Variants in FHIT observed in about 807,000 individuals in gnomAD.
FHIT encodes fragile histidine triad diadenosine triphosphatase.
Under a neutral mutation model 17.9 loss-of-function variants are expected in FHIT, and 19 were observed. The observed-to-expected ratio is 1.06, with a 90% CI of 0.74 to 1.56. The LOEUF is 1.56. Among genes scored for constraint, FHIT ranks in the 40% most tolerant of loss-of-function variants. The pLI is 0.00. For missense variants in FHIT, 248 were observed against 189.2 expected, an observed-to-expected ratio of 1.31 and a Z score of -1.82; for synonymous variants, 81 against 69.7, an observed-to-expected ratio of 1.16 and a Z score of -0.81.
At chr3:60,216,859 T>C (rs1359003065) in intron 5 of FHIT, among the ~76,000 whole-genome samples, 5 of 152,190 alleles carry the variant, frequency 3.3e-5, no homozygotes, top group Admixed American at 1.3e-4. Flanking sequence ...TGCAGTATCC[T>C]CTACTCCCTT....
At chr3:59,859,775 A>T (rs1702330010) in intron 8 of FHIT, among the ~76,000 whole-genome samples, 1 of 152,170 alleles carries the variant, frequency 6.6e-6, no homozygotes, top group South Asian at 2.1e-4. Context: ...ACTGATGAAA[A>T]ATAATAATTA....
At chr3:60,068,697 T>C (rs1450196348) in intron 5 of FHIT, among the ~76,000 whole-genome samples, 1 of 152,172 alleles carries the variant, frequency 6.6e-6, no homozygotes, top group Non-Finnish European at 1.5e-5. Flanking sequence ...AATTTCACAA[T>C]TAAAGTCTCA....
chr3:60,551,079 G>C (rs1048345989), intron 4 of FHIT, among the ~76,000 whole-genome samples: 1 of 152,076 alleles, frequency 6.6e-6, no homozygotes, highest in African/African-American at 2.4e-5. Context: ...CCAGATGGAG[G>C]AAACAGCAAT....
intron 4 of FHIT, among the ~76,000 whole-genome samples, chr3:60,585,615 T>G (rs1258891778): frequency 3.9e-5 from 6 of 152,006 alleles, no homozygotes; most frequent in Non-Finnish European, 8.8e-5. Flanking sequence ...TCAACCAGGC[T>G]TGGTACCCAA....
chr3:60,659,279 G>A lies in FHIT; in HGVS notation c.-17-122300C>T, dbSNP rs1035490218. 2.6e-5 allele frequency among the ~76,000 whole-genome samples: 4 copies of A among 151,774 alleles called. No homozygotes were observed. In the South Asian group the frequency reaches 8.3e-4, roughly 32 times the overall value. ...GATCTCTTTGAGTTCATCCTATTTG[G>A]AATTCATTGAGCTTCTTGGATTTTT... On this transcript the variant is annotated intron_variant, in intron 4 of 9. Transcript: ENST00000492590.
chr3:60,517,905 G>A (rs1172527849), intron 5 of FHIT, among the ~76,000 whole-genome samples: 2 of 152,096 alleles, frequency 1.3e-5, no homozygotes, highest in African/African-American at 4.8e-5. Flanking sequence ...GACACTCCTG[G>A]TCTCTCCATT....
At chr3:59,866,851 C>T (rs571257287) in intron 8 of FHIT, among the ~76,000 whole-genome samples, 1 of 152,096 alleles carries the variant, frequency 6.6e-6, no homozygotes, top group African/African-American at 2.4e-5. Flanking sequence ...CACTGTCTCT[C>T]ACCGGCAATC....
chr3:61,050,968 C>A (rs1240376431), intron 2 of FHIT, among the ~76,000 whole-genome samples: 1 of 152,176 alleles, frequency 6.6e-6, no homozygotes, highest in African/African-American at 2.4e-5. Flanking sequence ...GAGCCATAGA[C>A]ACCTATTTTG....
At chr3:60,245,023 C>T in intron 5 of FHIT, among the ~76,000 whole-genome samples, 1 of 152,064 alleles carries the variant, frequency 6.6e-6, no homozygotes, top group African/African-American at 2.4e-5. Flanking sequence ...TGTTTAGCGG[C>T]AGCAGCTGTT....
At chr3:60,182,248 C>T (rs1701970683) in intron 5 of FHIT, among the ~76,000 whole-genome samples, 2 of 152,278 alleles carry the variant, frequency 1.3e-5, no homozygotes, top group Middle Eastern at 3.4e-3. Context: ...CTAAATCCTG[C>T]TTCTATTAGT....
chr3:60,352,423 A>G (rs113736026), intron 5 of FHIT, among the ~76,000 whole-genome samples: 1,555 of 152,334 alleles, frequency 0.01, 34 homozygotes, highest in African/African-American at 0.035. Flanking sequence ...AAATTCTTTC[A>G]TATCTTGCTT....
At chr3:59,866,952 A>C (rs1335140283) in intron 8 of FHIT, among the ~76,000 whole-genome samples, 1 of 151,772 alleles carries the variant, frequency 6.6e-6, no homozygotes, top group Non-Finnish European at 1.5e-5. Context: ...ACCTATTCTC[A>C]TACAACACTT....
At chr3:59,751,903 T>C (rs1700929224) in intron 9 of FHIT, 2 of 288,920 alleles carry the variant, frequency 6.9e-6, no homozygotes, top group African/African-American at 2.1e-5. Context: ...CAAGAAGTTG[T>C]GCATGACAGA....
chr3:60,341,364 T>C (rs1559835544), intron 5 of FHIT, among the ~76,000 whole-genome samples: 2 of 152,164 alleles, frequency 1.3e-5, no homozygotes, highest in Non-Finnish European at 2.9e-5. Context: ...ACTGAGAAAT[T>C]AAAATCTGTT....
chr3:60,211,374 G>A (rs2107516635), intron 5 of FHIT, among the ~76,000 whole-genome samples: 1 of 152,034 alleles, frequency 6.6e-6, no homozygotes, highest in African/African-American at 2.4e-5. Flanking sequence ...CAGAGTATAA[G>A]GGAGATATAG....
intron 5 of FHIT, among the ~76,000 whole-genome samples, chr3:60,445,525 G>C (rs1174250429): frequency 6.6e-6 from 1 of 151,988 alleles, no homozygotes; most frequent in African/African-American, 2.4e-5. Flanking sequence ...TTGGAACTGA[G>C]AGAAAGCTGA....
At chr3:60,700,523 T>C (rs2041221718) in intron 4 of FHIT, among the ~76,000 whole-genome samples, 1 of 150,946 alleles carries the variant, frequency 6.6e-6, no homozygotes, top group Admixed American at 6.6e-5. Context: ...GCTGTTTTTA[T>C]GTTAATGTTA....
In FHIT at chr3:60,534,406, G is replaced by A. The variant is rs1391533623; in HGVS notation, c.103+2454C>T. ...CGAGATTGCGCCACTGCAGTCCGCA[G>A]TCCGGCCTGGGCGACAGAGCGAGAC... On this transcript the variant is annotated intron_variant, in intron 5 of 9. Coordinates refer to ENST00000492590, the MANE Select transcript of FHIT (RefSeq NM_002012.4). Among the ~76,000 whole-genome samples, 23 of 117,652 alleles carry A rather than the reference G, an allele frequency of 2.0e-4. No individual in the cohort carries two copies. The East Asian group carries it at 3.5e-3, about 18-fold the overall frequency. 77.2% of individuals were successfully genotyped at this position (117,652 alleles called of 152,430 possible).
intron 5 of FHIT, among the ~76,000 whole-genome samples, chr3:60,480,188 G>A (rs148118545): frequency 3.9e-4 from 60 of 152,146 alleles, no homozygotes; most frequent in East Asian, 1.6e-3. Flanking sequence ...GGGAGAGTCC[G>A]GAGACTTATC....
Sources: gnomAD v4.1 joint callset for allele counts (sites outside exome capture counted in the v4.1 genomes callset) on GRCh38, gnomAD v4.1.1 for gene constraint, MANE v1.5 for transcripts, NCBI Gene and HGNC (gene_info 2026-07-23, HGNC 2026-07-21) for gene names.